Variants in DTNA observed in about 807,000 individuals in gnomAD.
The protein encoded by DTNA is dystrophin-related protein 3.
Under a neutral mutation model 100.7 loss-of-function variants are expected in DTNA, and 43 were observed. The observed-to-expected ratio is 0.43, with a 90% CI of 0.33 to 0.55. The LOEUF (loss-of-function observed/expected upper bound fraction) is 0.55. DTNA is among the 20% of genes least tolerant of loss of function. The pLI is 0.04. For missense variants in DTNA, 798 were observed against 953.9 expected (o/e 0.84, Z 2.15); for synonymous variants, 349 against 347.9 (o/e 1.00, Z -0.04).
intron 1 of DTNA, among the ~76,000 whole-genome samples, chr18:34,665,508 G>C (rs1599807613): frequency 6.6e-6 from 1 of 151,974 alleles, no homozygotes; most frequent in African/African-American, 2.4e-5. Flanking sequence ...GTGCCATATT[G>C]GTGTGCTGCA....
chr18:34,638,507 A>C (rs1037041711), intron 1 of DTNA, among the ~76,000 whole-genome samples: 6 of 152,212 alleles, frequency 3.9e-5, no homozygotes, highest in African/African-American at 1.4e-4. Context: ...CTGACACTCA[A>C]GTGTGACCTG....
At chr18:34,541,416 A>G (rs1237912516) in intron 1 of DTNA, among the ~76,000 whole-genome samples, 1 of 151,970 alleles carries the variant, frequency 6.6e-6, no homozygotes, top group Non-Finnish European at 1.5e-5. Context: ...CCAGGTGGAG[A>G]TAATTGAATC....
chr18:34,851,861 ATC>A lies in DTNA; in HGVS notation c.1469_1470del (p.Ser490PhefsTer7). On this transcript the variant is annotated frameshift_variant, in exon 15 of 23. Transcript: ENST00000444659. LOFTEE classifies it high-confidence loss of function. Reference protein sequence around the residue: ...QPPQQRSAPDISFTIDANKQQ... With the variant: ...QPPQQRSAPDXSFTIDANKQQ... ...ACCTCAGCAGAGAAGTGCTCCTGACATCTCTTTCACCATCGATGCGAATAAGC... is the reference window on the plus strand; with the variant it reads ...ACCTCAGCAGAGAAGTGCTCCTGACATCTTTCACCATCGATGCGAATAAGC... The A allele has an allele frequency of 6.2e-7, 1 of 1,614,096 alleles. No homozygotes were observed. The highest frequency in any genetic ancestry group is 8.5e-7 in the Non-Finnish European group (1 of 1,179,940).
chr18:34,522,920 T>C (rs2042282023), intron 1 of DTNA, among the ~76,000 whole-genome samples: 1 of 152,278 alleles, frequency 6.6e-6, no homozygotes, highest in South Asian at 2.1e-4. Context: ...TTTGTGTCTT[T>C]CATTTACAGG....
chr18:34,711,173 T>A (rs377199561), intron 1 of DTNA, among the ~76,000 whole-genome samples: 3 of 152,150 alleles, frequency 2.0e-5, no homozygotes, highest in South Asian at 2.1e-4. Flanking sequence ...AGTGTGGCTG[T>A]GTGGAGCATC....
chr18:34,706,968 G>A (rs2082196798), upstream of DTNA, among the ~76,000 whole-genome samples: 2 of 151,964 alleles, frequency 1.3e-5, no homozygotes, highest in Admixed American at 6.6e-5. Context: ...TTAAACCAGT[G>A]CCCTAACAAT....
intron 1 of DTNA, among the ~76,000 whole-genome samples, chr18:34,740,630 A>G (rs2147720249): frequency 6.6e-6 from 1 of 152,198 alleles, no homozygotes; most frequent in African/African-American, 2.4e-5. Context: ...TCTCTATGAA[A>G]AAACTTTAAA....
At chr18:34,526,031 A>G (rs1282961102) in intron 1 of DTNA, among the ~76,000 whole-genome samples, 4 of 152,172 alleles carry the variant, frequency 2.6e-5, no homozygotes. Flanking sequence ...CTTTCGGAAC[A>G]CGAAGCTATG....
At chr18:34,723,400 A>G (rs1225591822) in intron 1 of DTNA, among the ~76,000 whole-genome samples, 1 of 152,216 alleles carries the variant, frequency 6.6e-6, no homozygotes, top group Non-Finnish European at 1.5e-5. Flanking sequence ...TATTATACAT[A>G]GACGGTATAT....
In DTNA at chr18:34,672,725, C is replaced by CA. The variant is rs201161781; in HGVS notation, c.-1-83245dup. 8.6e-3 allele frequency among the ~76,000 whole-genome samples: 1,309 copies of CA among 152,104 alleles called. 13 individuals carry two copies. The highest frequency in any genetic ancestry group is 0.012 in the Non-Finnish European group (844 of 67,948). Reference sequence around the variant, plus strand: ...TATGTATAGATTGCTAATAATAGGACAAAAAAGTTTCAAATATTAAAACAA... The same window carrying CA: ...TATGTATAGATTGCTAATAATAGGACAAAAAAAGTTTCAAATATTAAAACAA... On this transcript the variant is annotated intron_variant, in intron 1 of 19. Coordinates refer to the DTNA transcript ENST00000283365.
At chr18:34,835,114 A>G (rs1188456771) in intron 11 of DTNA, among the ~76,000 whole-genome samples, 2 of 152,174 alleles carry the variant, frequency 1.3e-5, no homozygotes, top group Non-Finnish European at 2.9e-5. Context: ...CTCTGTACAT[A>G]GTCATATTTT....
At chr18:34,627,909 A>G (rs1025615601) in intron 1 of DTNA, among the ~76,000 whole-genome samples, 2 of 152,112 alleles carry the variant, frequency 1.3e-5, no homozygotes, top group East Asian at 3.9e-4. Context: ...ATTCCATGGT[A>G]CACCCTTCTG....
At chr18:34,527,643 C>T (rs564116351) in intron 1 of DTNA, among the ~76,000 whole-genome samples, 28 of 152,060 alleles carry the variant, frequency 1.8e-4, no homozygotes, top group South Asian at 4.1e-4. Context: ...ATTTGATCTA[C>T]GATTTTTTAG....
intron 15 of DTNA, among the ~76,000 whole-genome samples, chr18:34,857,564 C>G (rs1173053845): frequency 6.6e-6 from 1 of 152,194 alleles, no homozygotes; most frequent in Non-Finnish European, 1.5e-5. Context: ...GCTCTGACAT[C>G]AATAGTTGAC....
At chr18:34,501,052 A>G (rs1038062090) in intron 1 of DTNA, among the ~76,000 whole-genome samples, 1 of 152,230 alleles carries the variant, frequency 6.6e-6, no homozygotes, top group Non-Finnish European at 1.5e-5. Context: ...AGTGGAAAGC[A>G]TTCACTCTTT....
At chr18:34,712,656 A>C (rs2146549657) in intron 1 of DTNA, among the ~76,000 whole-genome samples, 1 of 152,254 alleles carries the variant, frequency 6.6e-6, no homozygotes, top group East Asian at 1.9e-4. Flanking sequence ...ACTTGCTTTA[A>C]ACTGTAAATT....
rs1241774549 is a variant in DTNA at position 34,891,618 on chromosome 18, T to C, written c.*3884T>C. 1.3e-5 allele frequency: 2 copies of C among 152,240 alleles called. No individual in the cohort carries two copies. Among genetic ancestry groups the C allele is most frequent in the East Asian group, 1.9e-4 (1 of 5,206 alleles). The allele number at this position is 152,240 out of a possible 1,614,324, so 9.4% of individuals were successfully genotyped here. ...TTTATTAGCATCTGTGAGCATCTAATAGAAATACTATTCTGCTATTTATGG... is the reference window on the plus strand; with the variant it reads ...TTTATTAGCATCTGTGAGCATCTAACAGAAATACTATTCTGCTATTTATGG... On this transcript the variant is annotated 3_prime_UTR_variant, in exon 23 of 23. Coordinates refer to ENST00000444659, the MANE Select transcript of DTNA (RefSeq NM_001386795.1).
intron 1 of DTNA, among the ~76,000 whole-genome samples, chr18:34,640,263 C>T (rs956552323): frequency 1.8e-4 from 28 of 152,168 alleles, no homozygotes; most frequent in African/African-American, 6.3e-4. Context: ...TGACTGACTC[C>T]CTGCCTGCCT....
At chr18:34,887,629 GTGTGTGTGTGCA>G (rs2096934117) in intron 22 of DTNA, 125 bp from the exon 23 acceptor site, 1 of 570,728 alleles carries the variant, frequency 1.8e-6, no homozygotes, top group Non-Finnish European at 2.2e-6. Flanking sequence ...TAGGAAAGGA[GTGTGTGTGTGCA>G]TGTGTGTGTG....
Sources: allele counts gnomAD v4.1 joint callset (sites outside exome capture counted in the v4.1 genomes callset), GRCh38; gene constraint gnomAD v4.1.1; transcripts MANE v1.5; gene names NCBI Gene and HGNC (gene_info 2026-07-23, HGNC 2026-07-21).